POU2F3: variants seen among roughly 807,000 people sequenced by gnomAD.
POU2F3 encodes POU class 2 homeobox 3.
Under a neutral mutation model 59.2 loss-of-function variants are expected in POU2F3, and 23 were observed. That is an observed-to-expected ratio of 0.39 (90% CI 0.28 to 0.55). The LOEUF (loss-of-function observed/expected upper bound fraction) is 0.55, where lower values mean the gene tolerates loss of function less well. Ranked by LOEUF, POU2F3 falls within the 20% of genes least tolerant of loss-of-function variation. The pLI is 0.66. For synonymous variants in POU2F3, 190 were observed against 214.6 expected (o/e 0.89, Z 1.00); for missense variants, 473 against 544.5 (o/e 0.87, Z 1.31).
upstream of POU2F3, chr11:120,236,743 C>G: frequency 4.2e-6 from 6 of 1,443,046 alleles, no homozygotes; most frequent in East Asian, 2.5e-5. Flanking sequence ...TCTAGCTCAT[C>G]TAACTGAAAT....
chr11:120,263,404 T>A (rs754771778), intron 2 of POU2F3, among the ~76,000 whole-genome samples: 4 of 152,258 alleles, frequency 2.6e-5, no homozygotes, highest in Non-Finnish European at 4.4e-5. Flanking sequence ...ACATTTTATC[T>A]TGTTGGTTTG....
rs1329232240 is a variant in POU2F3 at position 120,288,831 on chromosome 11, T to TGTATGTATTACATAC, written c.133-9431_133-9430insTGTATTACATACGTA. 2.2e-3 allele frequency among the ~76,000 whole-genome samples: 328 copies of TGTATGTATTACATAC among 150,650 alleles called. 3 individuals are homozygous for TGTATGTATTACATAC. Among genetic ancestry groups the TGTATGTATTACATAC allele is most frequent in the Admixed American group, 6.5e-3 (99 of 15,180 alleles). ...CATACGCACATGTATGTATTACATA[T>TGTATGTATTACATAC]GTACATGTATGTAATACATACATGT... On this transcript the variant is annotated intron_variant, in intron 3 of 12. Transcript: ENST00000543440.
At chr11:120,247,536 A>G (rs1057113811) in intron 2 of POU2F3, among the ~76,000 whole-genome samples, 3 of 152,224 alleles carry the variant, frequency 2.0e-5, no homozygotes, top group African/African-American at 7.2e-5. Flanking sequence ...ATCAAACTAC[A>G]ATCTTTCTAT....
chr11:120,263,269 C>T (rs1413823083), intron 2 of POU2F3, among the ~76,000 whole-genome samples: 5 of 152,180 alleles, frequency 3.3e-5, no homozygotes, highest in South Asian at 4.1e-4. Context: ...GGATTACAGG[C>T]GTGACCCACC....
rs542666116 is a variant in POU2F3 at position 120,273,870 on chromosome 11, A to C, written c.132+4626A>C. On this transcript the variant is annotated intron_variant, in intron 3 of 12. Coordinates refer to ENST00000543440, the MANE Select transcript of POU2F3 (RefSeq NM_014352.4). ...ATCTCTACTAAAAAATACAAAAATT[A>C]GCTGGGTGTGGTGGCAGGTGCCTGT... Among the ~76,000 whole-genome samples, 218 of 152,178 alleles carry C rather than the reference A, an allele frequency of 1.4e-3. 3 individuals are homozygous for C. The highest frequency in any genetic ancestry group is 5.1e-3 in the African/African-American group (213 of 41,516).
chr11:120,243,085 C>T (rs1240152228), intron 1 of POU2F3, among the ~76,000 whole-genome samples: 1 of 152,076 alleles, frequency 6.6e-6, no homozygotes, highest in East Asian at 1.9e-4. Flanking sequence ...TCAGGAATAG[C>T]ATTTGGGTTG....
chr11:120,247,450 T>C (rs1443524952), intron 2 of POU2F3, among the ~76,000 whole-genome samples: 2 of 152,208 alleles, frequency 1.3e-5, no homozygotes, highest in Non-Finnish European at 2.9e-5. Context: ...GCATCCACAG[T>C]ATGCATTTGC....
chr11:120,317,101 G>A lies in POU2F3; in HGVS notation c.1136-128G>A, dbSNP rs1274631128. 3 of 1,090,012 alleles carry A rather than the reference G, an allele frequency of 2.8e-6. No individual in the cohort carries two copies. In the African/African-American group the frequency reaches 4.7e-5, roughly 17 times the overall value. 67.5% of individuals were successfully genotyped at this position (1,090,012 alleles called of 1,614,324 possible). A position where few individuals can be genotyped will look rare whatever the true frequency, so the allele number is the denominator to read the frequency against. The stretch of plus-strand genomic sequence containing the variant: ...TGAGGCAGGAGGTAGTCAGGTGGGT[G>A]TGGCTAGGGAGAGGGTGAGGTCCCT... On this transcript the variant is annotated intron_variant, in intron 11 of 12. Coordinates refer to ENST00000543440, the MANE Select transcript of POU2F3 (RefSeq NM_014352.4).
intron 3 of POU2F3, among the ~76,000 whole-genome samples, chr11:120,294,691 T>G (rs561871811): frequency 6.6e-6 from 1 of 152,114 alleles, no homozygotes; most frequent in East Asian, 1.9e-4. Flanking sequence ...CCCCTGAGAG[T>G]GTCAAAGATG....
chr11:120,298,908 A>G (rs1308142287), intron 4 of POU2F3, among the ~76,000 whole-genome samples: 4 of 152,184 alleles, frequency 2.6e-5, no homozygotes, highest in African/African-American at 9.7e-5. Context: ...CTGGAAACAC[A>G]TAAGAATATG....
In POU2F3 at chr11:120,308,908, C is replaced by T. The variant is rs540436032; in HGVS notation, c.907-517C>T. ...GAGCGGAGATCGCGCCACTGCACTCCAGCCTAGGCAACAGAGCGAGACTCC... is the reference window on the plus strand; with the variant it reads ...GAGCGGAGATCGCGCCACTGCACTCTAGCCTAGGCAACAGAGCGAGACTCC... On this transcript the variant is annotated intron_variant, in intron 9 of 12. Transcript: ENST00000543440. 7.8e-5 allele frequency among the ~76,000 whole-genome samples: 10 copies of T among 127,722 alleles called. No individual in the cohort carries two copies. In the South Asian group the frequency reaches 2.3e-3, roughly 29 times the overall value. 83.8% of individuals were successfully genotyped at this position (127,722 alleles called of 152,430 possible).
At chr11:120,263,112 A>C (rs1029808194) in intron 2 of POU2F3, among the ~76,000 whole-genome samples, 2 of 151,946 alleles carry the variant, frequency 1.3e-5, no homozygotes, top group African/African-American at 4.8e-5. Context: ...CTGCCTCAGC[A>C]TCCTGAGTAG....
intron 5 of POU2F3, chr11:120,301,333 A>G: frequency 3.8e-6 from 1 of 261,686 alleles, no homozygotes; most frequent in South Asian, 4.4e-5. Context: ...CCATGTCAGA[A>G]TTGCCATTAG....
chr11:120,289,401 T>G (rs904562383), intron 3 of POU2F3, among the ~76,000 whole-genome samples: 2 of 152,222 alleles, frequency 1.3e-5, no homozygotes, highest in African/African-American at 4.8e-5. Context: ...AGTCATGCTC[T>G]CTTCAAATCC....
upstream of POU2F3, among the ~76,000 whole-genome samples, chr11:120,237,419 A>G (rs923971655): frequency 6.6e-6 from 1 of 151,962 alleles, no homozygotes; most frequent in Non-Finnish European, 1.5e-5. Flanking sequence ...CCAAGGTCCT[A>G]TCTGTGCCTC....
intron 3 of POU2F3, among the ~76,000 whole-genome samples, chr11:120,291,390 G>A (rs115648324): frequency 8.9e-4 from 135 of 152,338 alleles, no homozygotes; most frequent in Middle Eastern, 6.8e-3. Context: ...AGCTCTAGCT[G>A]TGTTTCCCTG....
intron 3 of POU2F3, among the ~76,000 whole-genome samples, chr11:120,287,788 A>G (rs1035945351): frequency 6.6e-6 from 1 of 152,222 alleles, no homozygotes; most frequent in Admixed American, 6.5e-5. Flanking sequence ...AGAGAGCTTC[A>G]TGGCAGTGCT....
intron 3 of POU2F3, among the ~76,000 whole-genome samples, chr11:120,289,960 C>T (rs193267810): frequency 6.6e-6 from 1 of 152,296 alleles, no homozygotes; most frequent in East Asian, 1.9e-4. Context: ...TCCCTAGTGC[C>T]TTTTGGTATA....
chr11:120,237,545 AC>A, upstream of POU2F3, among the ~76,000 whole-genome samples: 1 of 152,320 alleles, frequency 6.6e-6, no homozygotes, highest in Non-Finnish European at 1.5e-5. Context: ...GGCCTCTCTG[AC>A]TTTTGGAAAA....
Sources: allele counts gnomAD v4.1 joint callset (sites outside exome capture counted in the v4.1 genomes callset), GRCh38; gene constraint gnomAD v4.1.1; transcripts MANE v1.5; gene names NCBI Gene and HGNC (gene_info 2026-07-23, HGNC 2026-07-21).